RPTOR: variants seen among roughly 807,000 people sequenced by gnomAD.
The protein encoded by RPTOR is regulatory associated protein of MTOR complex 1, also known as regulatory-associated protein of mTOR.
Under a neutral mutation model 169.9 loss-of-function variants are expected in RPTOR, and 21 were observed. That is an observed-to-expected ratio of 0.12 (90% CI 0.09 to 0.18). The LOEUF (loss-of-function observed/expected upper bound fraction) is 0.18, where lower values mean the gene tolerates loss of function less well. Among genes scored for constraint, RPTOR ranks in the 10% least tolerant of loss-of-function variants. RPTOR has a pLI of 1.00. For synonymous variants in RPTOR, 732 were observed against 753.2 expected (o/e 0.97, Z 0.46); for missense variants, 1,133 against 1,855.9 (o/e 0.61, Z 7.16).
chr17:80,634,749 CTG>C (rs71163986), intron 2 of RPTOR, among the ~76,000 whole-genome samples: 8,102 of 57,390 alleles, frequency 0.14, 1,386 homozygotes, highest in Non-Finnish European at 0.18. Flanking sequence ...TGTGTGCATA[CTG>C]TGTGTGTGCG....
intron 1 of RPTOR, among the ~76,000 whole-genome samples, chr17:80,566,361 A>G (rs904958199): frequency 2.0e-5 from 3 of 152,222 alleles, no homozygotes; most frequent in Non-Finnish European, 4.4e-5. Context: ...GTTACTAAGT[A>G]AAAACAATGC....
chr17:80,925,606 T>A, intron 24 of RPTOR, 126 bp downstream of exon 24: 1 of 744,982 alleles, frequency 1.3e-6, no homozygotes, highest in Non-Finnish European at 2.3e-6. Context: ...GTAGTGATGG[T>A]CACGGTTGAG....
intron 6 of RPTOR, among the ~76,000 whole-genome samples, chr17:80,766,167 C>A (rs935149501): frequency 1.8e-4 from 27 of 152,130 alleles, no homozygotes; most frequent in Non-Finnish European, 3.1e-4. Context: ...GCAATCCCCC[C>A]ACCTCAGCCC....
intron 20 of RPTOR, among the ~76,000 whole-genome samples, chr17:80,900,690 T>C (rs957281805): frequency 1.3e-5 from 2 of 152,234 alleles, no homozygotes; most frequent in South Asian, 2.1e-4. Context: ...GCCAAGGGCC[T>C]GGTGGCCCCG....
chr17:80,634,603 CTGTGTGTGTACTG>C (rs1331329284), intron 2 of RPTOR, among the ~76,000 whole-genome samples: 1 of 26,214 alleles, frequency 3.8e-5, no homozygotes, highest in Non-Finnish European at 6.5e-5. Flanking sequence ...TGTGTGCGTA[CTGTGTGTGTACTG>C]TGTGCGTGTG....
intron 9 of RPTOR, among the ~76,000 whole-genome samples, chr17:80,835,201 T>C (rs1340970167): frequency 1.3e-5 from 2 of 152,230 alleles, no homozygotes; most frequent in Non-Finnish European, 2.9e-5. Flanking sequence ...ATATATTTCA[T>C]ATATTTGAAA....
chr17:80,723,833 T>A (rs556626284), intron 4 of RPTOR, among the ~76,000 whole-genome samples: 1 of 151,576 alleles, frequency 6.6e-6, no homozygotes, highest in South Asian at 2.1e-4. Context: ...GGGACTGGAA[T>A]AGACTAATCT....
chr17:80,713,813 CA>C (rs2066217234), intron 4 of RPTOR, among the ~76,000 whole-genome samples: 1 of 152,052 alleles, frequency 6.6e-6, no homozygotes, highest in Non-Finnish European at 1.5e-5. Context: ...AAAGGACATG[CA>C]GCAAAATGAA....
intron 9 of RPTOR, among the ~76,000 whole-genome samples, chr17:80,827,003 G>A (rs1293944557): frequency 6.6e-6 from 1 of 152,338 alleles, no homozygotes; most frequent in African/African-American, 2.4e-5. Flanking sequence ...TTAGTCAGCC[G>A]CTCGGCCCGC....
chr17:80,654,314 G>A (rs1266654923), intron 3 of RPTOR, among the ~76,000 whole-genome samples: 3 of 152,236 alleles, frequency 2.0e-5, no homozygotes, highest in African/African-American at 4.8e-5. Context: ...GGCAGAAATC[G>A]GGAAAGACCC....
Position 80,891,806 on chromosome 17 carries a change from G to C in RPTOR, c.2070G>C (p.Lys690Asn). 6.2e-7 allele frequency: 1 copy of C among 1,613,926 alleles called. No individual in the cohort carries two copies. ...CCCTGCAGTTCATAGAAGAGGAAAA[G>C]AACTACGCCTTGCCTTCTCCAGCAA... Reference protein sequence around the residue: ...TVALQFIEEEKNYALPSPATT... With the variant: ...TVALQFIEEENNYALPSPATT... The change falls in exon 18 of 34, where the codon AAG becomes AAC. Residue 690 changes from lysine (K) to asparagine (N), a missense_variant. This residue lies in a region of RPTOR where 150 missense variants were observed against 206.4 expected (regional missense o/e 0.73). Transcript: ENST00000306801.
In RPTOR at chr17:80,945,673, C is replaced by T. The variant is rs752129121; in HGVS notation, c.3032C>T (p.Thr1011Met). The T allele has an allele frequency of 1.5e-5, 24 of 1,606,546 alleles. No individual in the cohort carries two copies. The highest frequency in any genetic ancestry group is 2.7e-5 in the African/African-American group (2 of 74,442). ...QAQQVIQKGI[T>M]RLDDQIFLNR... ...TGTGTGTTTCTTTTGACAGGCATTA[C>T]GAGATTGGACGACCAAATATTTCTG... Residue 1011 changes from threonine to methionine, a missense_variant, in exon 26 of 34, where the codon ACG becomes ATG. Transcript: ENST00000306801.
chr17:80,636,925 C>T (rs887968637), intron 2 of RPTOR, among the ~76,000 whole-genome samples: 1 of 152,242 alleles, frequency 6.6e-6, no homozygotes, highest in African/African-American at 2.4e-5. Flanking sequence ...TGTAGCCTTG[C>T]AGGACGGCCG....
chr17:80,785,264 C>T (rs892837607), intron 6 of RPTOR, among the ~76,000 whole-genome samples: 5 of 152,118 alleles, frequency 3.3e-5, no homozygotes, highest in African/African-American at 9.7e-5. Flanking sequence ...AAAGCAACTA[C>T]CAAAGGCTAA....
At chr17:80,622,276 G>A (rs1281519113) in intron 1 of RPTOR, among the ~76,000 whole-genome samples, 1 of 152,188 alleles carries the variant, frequency 6.6e-6, no homozygotes, top group Non-Finnish European at 1.5e-5. Flanking sequence ...GTGTTGTGAG[G>A]CAGGTGTTAA....
intron 7 of RPTOR, among the ~76,000 whole-genome samples, chr17:80,796,280 G>A (rs546821722): frequency 2.2e-4 from 33 of 152,286 alleles, no homozygotes; most frequent in Non-Finnish European, 4.1e-4. Context: ...TGCAAGCTGC[G>A]GAGCAAGGAA....
intron 9 of RPTOR, among the ~76,000 whole-genome samples, chr17:80,833,890 G>A (rs749664873): frequency 7.2e-5 from 11 of 152,196 alleles, no homozygotes; most frequent in African/African-American, 1.7e-4. Context: ...TCAGGAGACC[G>A]AGGCAGGAGA....
intron 17 of RPTOR, among the ~76,000 whole-genome samples, chr17:80,886,326 A>G (rs576029032): frequency 1.2e-3 from 190 of 152,342 alleles, no homozygotes; most frequent in South Asian, 5.6e-3. Context: ...TGAGTATGCT[A>G]CATTTTCTAA....
At chr17:80,928,516 A>G (rs557888835) in intron 24 of RPTOR, among the ~76,000 whole-genome samples, 1 of 152,386 alleles carries the variant, frequency 6.6e-6, no homozygotes, top group South Asian at 2.1e-4. Flanking sequence ...TTACACTGAC[A>G]TGCAACTAGC....
Sources: allele counts gnomAD v4.1 joint callset (sites outside exome capture counted in the v4.1 genomes callset), GRCh38; gene constraint gnomAD v4.1.1; regional missense constraint gnomAD v4.1.1; transcripts MANE v1.5; gene names NCBI Gene and HGNC (gene_info 2026-07-23, HGNC 2026-07-21).